The following RBFOX1 variants were observed in gnomAD, a reference collection of about 807,000 sequenced individuals.
RBFOX1 encodes the protein RNA binding protein fox-1 homolog 1.
RBFOX1 carries 8 observed loss-of-function variants against 57.7 expected under a neutral mutation model. That is an observed-to-expected ratio of 0.14 (90% CI 0.08 to 0.25). The LOEUF (loss-of-function observed/expected upper bound fraction) is 0.25. Ranked by LOEUF, RBFOX1 falls within the 10% of genes least tolerant of loss-of-function variation. The pLI is 1.00. For synonymous variants in RBFOX1, 326 were observed against 222.4 expected (o/e 1.47, Z -4.15); for missense variants, 611 against 548.5 (o/e 1.11, Z -1.14).
At chr16:6,604,120 C>A (rs1601245043) in intron 2 of RBFOX1, among the ~76,000 whole-genome samples, 1 of 152,034 alleles carries the variant, frequency 6.6e-6, no homozygotes, top group Non-Finnish European at 1.5e-5. Flanking sequence ...TCTCTCCACT[C>A]CCCTTACTGT....
intron 2 of RBFOX1, among the ~76,000 whole-genome samples, chr16:6,627,510 T>C (rs1293574837): frequency 6.6e-6 from 1 of 152,142 alleles, no homozygotes; most frequent in Non-Finnish European, 1.5e-5. Context: ...GAAACAGTCA[T>C]AACACAGTGG....
chr16:7,138,463 C>A (rs1214275724), intron 4 of RBFOX1, among the ~76,000 whole-genome samples: 1 of 152,150 alleles, frequency 6.6e-6, no homozygotes, highest in Non-Finnish European at 1.5e-5. Flanking sequence ...GCACCAGACC[C>A]AACCAGGACA....
intron 1 of RBFOX1, among the ~76,000 whole-genome samples, chr16:6,154,977 C>T (rs538530753): frequency 6.6e-6 from 1 of 152,234 alleles, no homozygotes; most frequent in East Asian, 1.9e-4. Context: ...TTTTGTTTTA[C>T]TGAATATTCT....
At chr16:6,564,851 G>A (rs150723495) in intron 2 of RBFOX1, among the ~76,000 whole-genome samples, 3 of 152,170 alleles carry the variant, frequency 2.0e-5, no homozygotes, top group East Asian at 1.9e-4. Context: ...TAAAATTAAA[G>A]CATTTGCGGC....
At chr16:7,428,436 C>T (rs1337351556) in intron 4 of RBFOX1, among the ~76,000 whole-genome samples, 1 of 145,518 alleles carries the variant, frequency 6.9e-6, no homozygotes, top group Non-Finnish European at 1.5e-5. Context: ...TAGTGATTCT[C>T]CTGCCTCAGC....
At chr16:6,881,237 A>C (rs1480185058) in intron 3 of RBFOX1, among the ~76,000 whole-genome samples, 5 of 152,240 alleles carry the variant, frequency 3.3e-5, no homozygotes, top group Admixed American at 3.3e-4. Context: ...TGAATTAGAT[A>C]TAAGGTTCCC....
intron 4 of RBFOX1, among the ~76,000 whole-genome samples, chr16:7,460,389 ATGTGTGTGTGTGTGTGTGTGTG>A (rs1235047786): frequency 5.7e-5 from 5 of 87,256 alleles, no homozygotes; most frequent in African/African-American, 1.3e-4. Context: ...ATATATATAT[ATGTGTGTGTGTGTGTGTGTGTG>A]TGTGTGTATA....
At chr16:5,979,760 G>C (rs2060135343) in intron 4 of RBFOX1, among the ~76,000 whole-genome samples, 1 of 152,194 alleles carries the variant, frequency 6.6e-6, no homozygotes, top group Non-Finnish European at 1.5e-5. Context: ...TGCTCCGGAG[G>C]CTGAGTTAGG....
intron 2 of RBFOX1, among the ~76,000 whole-genome samples, chr16:6,492,819 G>T (rs1474110562): frequency 6.6e-6 from 1 of 152,296 alleles, no homozygotes; most frequent in African/African-American, 2.4e-5. Flanking sequence ...TATGAGTGAG[G>T]AAGAGCCCAA....
At chr16:5,430,147 C>G (rs1389072089) in intron 1 of RBFOX1, among the ~76,000 whole-genome samples, 1 of 152,128 alleles carries the variant, frequency 6.6e-6, no homozygotes, top group Non-Finnish European at 1.5e-5. Flanking sequence ...AGAAGGGAAG[C>G]AGGAAAAAGT....
At chr16:5,705,366 A>T (rs372073126) in intron 3 of RBFOX1, among the ~76,000 whole-genome samples, 1 of 152,160 alleles carries the variant, frequency 6.6e-6, no homozygotes, top group Admixed American at 6.5e-5. Flanking sequence ...GGCTAAAGCT[A>T]TCTTCCCACC....
At chr16:5,409,921 A>T (rs555491442) in intron 1 of RBFOX1, among the ~76,000 whole-genome samples, 1 of 151,830 alleles carries the variant, frequency 6.6e-6, no homozygotes, top group African/African-American at 2.4e-5. Context: ...CGTGGCGGAC[A>T]CCTGTAATCC....
intron 4 of RBFOX1, among the ~76,000 whole-genome samples, chr16:7,450,770 C>T (rs561897278): frequency 1.3e-5 from 2 of 152,176 alleles, no homozygotes; most frequent in South Asian, 4.1e-4. Context: ...GGAGGAGGAA[C>T]CAGTGACCCC....
chr16:6,825,456 C>T (rs931360832), intron 3 of RBFOX1, among the ~76,000 whole-genome samples: 1 of 152,050 alleles, frequency 6.6e-6, no homozygotes, highest in African/African-American at 2.4e-5. Context: ...GGAAAAATAA[C>T]GACAGGAAAA....
intron 7 of RBFOX1, among the ~76,000 whole-genome samples, chr16:7,595,135 G>T (rs560745312): frequency 3.9e-5 from 6 of 152,236 alleles, no homozygotes; most frequent in African/African-American, 1.2e-4. Flanking sequence ...GTTGAATTTC[G>T]TGCACACGTT....
intron 4 of RBFOX1, among the ~76,000 whole-genome samples, chr16:7,097,630 C>T (rs990515540): frequency 6.6e-6 from 1 of 152,148 alleles, no homozygotes; most frequent in Non-Finnish European, 1.5e-5. Flanking sequence ...ATATGCAAGT[C>T]TACATATGTA....
At chr16:6,683,500 A>G (rs2058974685) in intron 3 of RBFOX1, among the ~76,000 whole-genome samples, 1 of 152,236 alleles carries the variant, frequency 6.6e-6, no homozygotes, top group South Asian at 2.1e-4. Flanking sequence ...ATCCAAAACT[A>G]TATATAAACA....
At chr16:5,966,993 G>GA (rs1405198267) in intron 4 of RBFOX1, among the ~76,000 whole-genome samples, 1 of 118,926 alleles carries the variant, frequency 8.4e-6, no homozygotes, top group East Asian at 2.5e-4. Context: ...CACTAAATCG[G>GA]GGGGGGGGGG....
At chr16:5,670,505 C>A (rs2049984272) in intron 3 of RBFOX1, among the ~76,000 whole-genome samples, 1 of 152,114 alleles carries the variant, frequency 6.6e-6, no homozygotes, top group Non-Finnish European at 1.5e-5. Context: ...GGAACATATG[C>A]CTTTGTCTCT....
Sources: gnomAD v4.1 joint callset for allele counts (sites outside exome capture counted in the v4.1 genomes callset) on GRCh38, gnomAD v4.1.1 for gene constraint, MANE v1.5 for transcripts, NCBI Gene and HGNC (gene_info 2026-07-23, HGNC 2026-07-21) for gene names.